TNRC6C: variants seen among roughly 807,000 people sequenced by gnomAD.
The protein encoded by TNRC6C is trinucleotide repeat containing adaptor 6C.
Under a neutral mutation model 153.7 loss-of-function variants are expected in TNRC6C, and 20 were observed. That is an observed-to-expected ratio of 0.13 (90% CI 0.09 to 0.19). The LOEUF (loss-of-function observed/expected upper bound fraction) is 0.19. TNRC6C is among the 10% of genes least tolerant of loss of function. The probability of loss-of-function intolerance (pLI) is 1.00; values close to 1 mark genes in which losing one functional copy is unlikely to be tolerated. For missense variants in TNRC6C, 1,987 were observed against 2,172.0 expected, an observed-to-expected ratio of 0.91 and a Z score of 1.69; for synonymous variants, 811 against 841.4, an observed-to-expected ratio of 0.96 and a Z score of 0.63.
chr17:78,057,825 TTG>T (rs113475283), intron 3 of TNRC6C, among the ~76,000 whole-genome samples: 13 of 151,530 alleles, frequency 8.6e-5, no homozygotes, highest in Admixed American at 4.6e-4. Context: ...AATTACATTT[TTG>T]TGTGTGTGTG....
At chr17:77,979,714 A>T (rs1487705663) in intron 1 of TNRC6C, among the ~76,000 whole-genome samples, 1 of 152,204 alleles carries the variant, frequency 6.6e-6, no homozygotes, top group Non-Finnish European at 1.5e-5. Context: ...AGACTTGCAT[A>T]TTTGAGAATC....
intron 2 of TNRC6C, among the ~76,000 whole-genome samples, chr17:78,035,199 C>A (rs1025474684): frequency 6.6e-6 from 1 of 152,040 alleles, no homozygotes; most frequent in African/African-American, 2.4e-5. Context: ...GAACACTGTC[C>A]CATGTTGTTA....
rs2073069785 is a variant in TNRC6C at position 78,075,556 on chromosome 17, G to T, written c.3060+278G>T. Reference sequence around the variant, plus strand: ...TTATCTGCTTCAATTTGTCCAATGGGCAAGGGTCATCAAATTTCCATTTTA... The same window carrying T: ...TTATCTGCTTCAATTTGTCCAATGGTCAAGGGTCATCAAATTTCCATTTTA... On this transcript the variant is annotated intron_variant, in intron 8 of 19. Transcript: ENST00000301624. This position sits in a 1 kb window ranked among gnomAD's most constrained non-coding sequence, Gnocchi z 4.2. 6.6e-6 allele frequency among the ~76,000 whole-genome samples: 1 copy of T among 152,204 alleles called. No individual in the cohort carries two copies. Among genetic ancestry groups the T allele is most frequent in the African/African-American group, 2.4e-5 (1 of 41,452 alleles).
rs1293331037 is a variant in TNRC6C, at chr17:77,960,900, T to G, written c.-38+1632T>G. 3.9e-5 allele frequency among the ~76,000 whole-genome samples: 6 copies of G among 152,162 alleles called. No homozygotes were observed. In the East Asian group the frequency reaches 7.7e-4, roughly 20 times the overall value. ...GTTGTAACTTTACCTATACTGAAAG[T>G]TTTTTTTCTACAGAAAGTTTTTAAT... On this transcript the variant is annotated intron_variant, in intron 1 of 22. Coordinates refer to the TNRC6C transcript ENST00000636222.
At chr17:77,974,133 A>T (rs2070966040) in intron 1 of TNRC6C, among the ~76,000 whole-genome samples, 1 of 152,138 alleles carries the variant, frequency 6.6e-6, no homozygotes, top group Non-Finnish European at 1.5e-5. Flanking sequence ...AAACAGGCTG[A>T]AGGAAAATAT....
chr17:78,081,786 A>G (rs1225889672), intron 10 of TNRC6C, among the ~76,000 whole-genome samples: 1 of 152,136 alleles, frequency 6.6e-6, no homozygotes, highest in African/African-American at 2.4e-5. Flanking sequence ...TCTTCCCCAC[A>G]CAAAGCAAAC....
At chr17:78,089,952 C>T (rs1028997838) in intron 13 of TNRC6C, among the ~76,000 whole-genome samples, 6 of 152,202 alleles carry the variant, frequency 3.9e-5, no homozygotes, top group African/African-American at 9.6e-5. Context: ...GATGGGTTGG[C>T]GCCAAATTGT....
chr17:78,011,445 C>T (rs2071629287), intron 1 of TNRC6C, among the ~76,000 whole-genome samples: 1 of 152,208 alleles, frequency 6.6e-6, no homozygotes. Context: ...CTACACTGTG[C>T]ACTTTGGCTC....
intron 1 of TNRC6C, among the ~76,000 whole-genome samples, chr17:77,984,523 AAAG>A (rs902955162): frequency 4.9e-4 from 74 of 152,280 alleles, no homozygotes; most frequent in Admixed American, 3.5e-3. Context: ...ATCTCAAAAA[AAAG>A]AAGTAGGGGG....
At chr17:77,957,729 C>T (rs1480538804), upstream of TNRC6C, among the ~76,000 whole-genome samples, 1 of 152,364 alleles carries the variant, frequency 6.6e-6, no homozygotes, top group East Asian at 1.9e-4. Flanking sequence ...CTTCTCCTGG[C>T]TTGAACCGAA....
intron 16 of TNRC6C, among the ~76,000 whole-genome samples, chr17:78,094,715 C>T (rs908113401): frequency 1.3e-5 from 2 of 152,234 alleles, no homozygotes; most frequent in African/African-American, 4.8e-5. Context: ...GCTGGGATTA[C>T]AGGCGTGAGC....
At chr17:77,978,193 G>A (rs1247569576) in intron 1 of TNRC6C, among the ~76,000 whole-genome samples, 2 of 152,116 alleles carry the variant, frequency 1.3e-5, no homozygotes, top group African/African-American at 2.4e-5. Flanking sequence ...CACCGCGCCC[G>A]GCCTAAAACC....
At chr17:78,088,927 T>G (rs2073345657) in intron 13 of TNRC6C, among the ~76,000 whole-genome samples, 1 of 151,164 alleles carries the variant, frequency 6.6e-6, no homozygotes, top group Non-Finnish European at 1.5e-5. Context: ...CTTCTTAACC[T>G]ATATTTGGAG....
chr17:77,970,454 G>T (rs2070931625), intron 1 of TNRC6C, among the ~76,000 whole-genome samples: 2 of 152,072 alleles, frequency 1.3e-5, no homozygotes, highest in Non-Finnish European at 2.9e-5. Context: ...TTCCTATGTT[G>T]CTGGGATTGC....
intron 2 of TNRC6C, 119 bp downstream of exon 4, chr17:78,031,961 A>G (rs144718740): frequency 0.03 from 24,060 of 811,224 alleles, 460 homozygotes; most frequent in Non-Finnish European, 0.034. Context: ...ACACAGAGAC[A>G]GACAAATTCA....
At chr17:78,037,684 C>T (rs969857323) in intron 2 of TNRC6C, among the ~76,000 whole-genome samples, 3 of 152,150 alleles carry the variant, frequency 2.0e-5, no homozygotes, top group African/African-American at 7.2e-5. Flanking sequence ...TGTAAGGCTA[C>T]AGAAGTTGGC....
chr17:78,097,008 A>G (rs896181168), intron 16 of TNRC6C, among the ~76,000 whole-genome samples: 1 of 152,208 alleles, frequency 6.6e-6, no homozygotes, highest in Non-Finnish European at 1.5e-5. Flanking sequence ...TCAAGTCCAT[A>G]TACACAGTTA....
At chr17:78,014,900 C>G (rs1415932353) in intron 1 of TNRC6C, among the ~76,000 whole-genome samples, 1 of 151,962 alleles carries the variant, frequency 6.6e-6, no homozygotes, top group Non-Finnish European at 1.5e-5. Context: ...ACCCTCCGTA[C>G]TCAGAGCTGT....
At position 78,098,313 on chromosome 17, in the gene TNRC6C, TGC is replaced by T. The variant is rs1567967188; in HGVS notation, c.4307-29_4307-28del. 4 of 1,569,876 alleles carry T rather than the reference TGC, an allele frequency of 2.5e-6. No homozygotes were observed. In the East Asian group the frequency reaches 9.1e-5, roughly 36 times the overall value. ...TGAGTTTTCTTCTTTGTCTCAAGAC[TGC>T]ATATGCTCCATCTCTCTGCCTTTCT... On this transcript the variant is annotated intron_variant, in intron 16 of 19. Transcript: ENST00000301624.
Sources: gnomAD v4.1 joint callset for allele counts (sites outside exome capture counted in the v4.1 genomes callset) on GRCh38, gnomAD v4.1.1 for gene constraint, Gnocchi (gnomAD v3.1) non-coding constraint, MANE v1.5 for transcripts, NCBI Gene and HGNC (gene_info 2026-07-23, HGNC 2026-07-21) for gene names.